NELL1: variants seen among roughly 807,000 people sequenced by gnomAD.
NELL1 encodes the protein protein kinase C-binding protein NELL1.
Under a neutral mutation model 107.4 loss-of-function variants are expected in NELL1, and 76 were observed. That is an observed-to-expected ratio of 0.71 (90% CI 0.59 to 0.86). The LOEUF is 0.86. Ranked by LOEUF, NELL1 falls within the 40% of genes least tolerant of loss-of-function variation. The pLI is 0.00. For synonymous variants in NELL1, 353 were observed against 341.2 expected (o/e 1.03, Z -0.38); for missense variants, 1,024 against 1,005.5 (o/e 1.02, Z -0.25).
chr11:20,815,870 A>G (rs1857612713), intron 3 of NELL1, among the ~76,000 whole-genome samples: 1 of 152,102 alleles, frequency 6.6e-6, no homozygotes, highest in African/African-American at 2.4e-5. Flanking sequence ...TCTTCAGCAT[A>G]TGCCTAGTCA....
chr11:21,408,220 T>G (rs918440032), intron 15 of NELL1, among the ~76,000 whole-genome samples: 13 of 151,986 alleles, frequency 8.6e-5, no homozygotes, highest in Non-Finnish European at 1.5e-4. Flanking sequence ...CAAAATGAAA[T>G]TCAACTGGCA....
At chr11:21,195,369 C>T (rs1857130240) in intron 13 of NELL1, among the ~76,000 whole-genome samples, 1 of 152,040 alleles carries the variant, frequency 6.6e-6, no homozygotes, top group Non-Finnish European at 1.5e-5. Context: ...GCTGGGGCAA[C>T]CACTATCAGA....
intron 3 of NELL1, among the ~76,000 whole-genome samples, chr11:20,804,067 A>ATG (rs1349116348): frequency 3.3e-5 from 5 of 151,138 alleles, no homozygotes; most frequent in Admixed American, 2.6e-4. Flanking sequence ...TAATAAACAT[A>ATG]TATATATATA....
Position 21,032,046 on chromosome 11 carries a change from A to AAATAATAAT in NELL1, c.1300+71517_1300+71525dup, listed in dbSNP as rs373787726. ...GGCGACAGAGTGAGACTCCATGTCA[A>AAATAATAAT]AATAATAATAATAATAATAATAATA... is the stretch of plus-strand genomic sequence containing the variant. On this transcript the variant is annotated intron_variant, in intron 12 of 19. Coordinates refer to ENST00000357134, the MANE Select transcript of NELL1 (RefSeq NM_006157.5). Among the ~76,000 whole-genome samples, 760 of 145,514 alleles carry AAATAATAAT rather than the reference A, an allele frequency of 5.2e-3. 5 individuals are homozygous for AAATAATAAT. Among genetic ancestry groups the AAATAATAAT allele is most frequent in the African/African-American group, 8.4e-3 (333 of 39,614 alleles).
Position 21,149,662 on chromosome 11 carries a change from A to G in NELL1, c.1426+35948A>G, listed in dbSNP as rs75483654. ...AGCCAAACCATATCAAACAGTCTTC[A>G]TTTGTTTTTTCATGTAGTCAAACAT... On this transcript the variant is annotated intron_variant, in intron 13 of 19. Transcript: ENST00000357134. Among the ~76,000 whole-genome samples, 1,053 of 152,298 alleles carry G rather than the reference A, an allele frequency of 6.9e-3. 9 individuals are homozygous for G. The highest frequency in any genetic ancestry group is 0.024 in the African/African-American group (997 of 41,558).
chr11:20,785,748 A>T lies in NELL1; in HGVS notation c.335+1918A>T, dbSNP rs75895450. Among the ~76,000 whole-genome samples the T allele has an allele frequency of 3.3e-3, 497 of 152,328 alleles. 4 individuals carry two copies. Among genetic ancestry groups the T allele is most frequent in the African/African-American group, 0.012 (480 of 41,580 alleles). ...ATTTCCTTGTCTGTAAAATGTGTGT[A>T]ATAATCTATTTTCCCGGGCTGCTCT... On this transcript the variant is annotated intron_variant, in intron 3 of 19. Transcript: ENST00000357134.
At chr11:20,705,327 A>G (rs555099216) in intron 2 of NELL1, among the ~76,000 whole-genome samples, 7,420 of 152,164 alleles carry the variant, frequency 0.049, 253 homozygotes, top group Non-Finnish European at 0.075. Context: ...ATATAGACCA[A>G]TGGAACAGAA....
chr11:21,136,330 G>C (rs1378469724), intron 13 of NELL1, among the ~76,000 whole-genome samples: 1 of 152,180 alleles, frequency 6.6e-6, no homozygotes, highest in African/African-American at 2.4e-5. Context: ...GGGGAGACCA[G>C]GTCATGTAGG....
chr11:21,410,739 T>A (rs2133809787), intron 15 of NELL1, among the ~76,000 whole-genome samples: 1 of 152,182 alleles, frequency 6.6e-6, no homozygotes, highest in African/African-American at 2.4e-5. Context: ...GTGGAGAGAA[T>A]ATTTGATACA....
chr11:21,553,061 C>A (rs777701403), intron 16 of NELL1, among the ~76,000 whole-genome samples: 1 of 151,812 alleles, frequency 6.6e-6, no homozygotes, highest in African/African-American at 2.4e-5. Flanking sequence ...TGTTTTTAGA[C>A]CTTTGACTTC....
At chr11:20,982,258 G>C (rs539062560) in intron 12 of NELL1, among the ~76,000 whole-genome samples, 1 of 152,314 alleles carries the variant, frequency 6.6e-6, no homozygotes, top group Non-Finnish European at 1.5e-5. Context: ...ATGTGACTGA[G>C]AGTAGGGTAG....
chr11:21,298,316 T>A (rs1396084531), intron 14 of NELL1, among the ~76,000 whole-genome samples: 1 of 152,028 alleles, frequency 6.6e-6, no homozygotes, highest in Non-Finnish European at 1.5e-5. Flanking sequence ...TCTATCTCAA[T>A]GTCAGTTTCT....
chr11:21,072,149 G>A (rs1239230290), intron 12 of NELL1, among the ~76,000 whole-genome samples: 1 of 152,158 alleles, frequency 6.6e-6, no homozygotes, highest in Non-Finnish European at 1.5e-5. Context: ...TGTTGTGCAA[G>A]CCATTCAAGT....
intron 13 of NELL1, among the ~76,000 whole-genome samples, chr11:21,152,645 C>T (rs1856144927): frequency 1.3e-5 from 2 of 152,086 alleles, no homozygotes; most frequent in African/African-American, 4.8e-5. Flanking sequence ...ATACTCAGCT[C>T]TTGTCTCTGC....
intron 2 of NELL1, among the ~76,000 whole-genome samples, chr11:20,775,579 G>T (rs928057563): frequency 2.6e-5 from 4 of 152,098 alleles, no homozygotes; most frequent in South Asian, 2.1e-4. Context: ...ACTGAGATGC[G>T]GTGGGAGGTA....
chr11:21,488,599 C>G (rs1330485231), intron 15 of NELL1, among the ~76,000 whole-genome samples: 1 of 151,982 alleles, frequency 6.6e-6, no homozygotes, highest in Non-Finnish European at 1.5e-5. Flanking sequence ...CAGCAGACCA[C>G]AGTGGAAGAA....
At chr11:21,540,208 C>G (rs529333246) in intron 16 of NELL1, among the ~76,000 whole-genome samples, 3 of 152,122 alleles carry the variant, frequency 2.0e-5, no homozygotes, top group African/African-American at 7.2e-5. Context: ...TGTTTTCCAG[C>G]TATTTTGAAA....
chr11:20,755,316 G>T (rs908005253), intron 2 of NELL1, among the ~76,000 whole-genome samples: 1 of 152,176 alleles, frequency 6.6e-6, no homozygotes. Context: ...GGGAGCTGCT[G>T]CTGGAAGTAA....
chr11:21,456,913 A>G (rs1439372853), intron 15 of NELL1, among the ~76,000 whole-genome samples: 1 of 152,096 alleles, frequency 6.6e-6, no homozygotes, highest in Non-Finnish European at 1.5e-5. Context: ...CTAAGATACA[A>G]ACACTTTTAA....
Sources: allele counts gnomAD v4.1 joint callset (sites outside exome capture counted in the v4.1 genomes callset), GRCh38; gene constraint gnomAD v4.1.1; transcripts MANE v1.5; gene names NCBI Gene and HGNC (gene_info 2026-07-23, HGNC 2026-07-21).